Variants in TLK1 observed in about 807,000 individuals in gnomAD.
TLK1 encodes the protein serine/threonine-protein kinase tousled-like 1.
Under a neutral mutation model 105.3 loss-of-function variants are expected in TLK1, and 24 were observed. The observed-to-expected ratio is 0.23, with a 90% CI of 0.17 to 0.32. The LOEUF is 0.32. Ranked by LOEUF, TLK1 falls within the 10% of genes least tolerant of loss-of-function variation. The pLI is 1.00. For missense variants in TLK1, 558 were observed against 910.5 expected, an observed-to-expected ratio of 0.61 and a Z score of 4.98; for synonymous variants, 321 against 310.4, an observed-to-expected ratio of 1.03 and a Z score of -0.36.
At chr2:171,093,172 T>C (rs1558937871) in intron 2 of TLK1, among the ~76,000 whole-genome samples, 3 of 152,196 alleles carry the variant, frequency 2.0e-5, no homozygotes, top group African/African-American at 7.2e-5. Flanking sequence ...AGGACATAAC[T>C]AAAGAGTAGA....
At position 171,160,840 on chromosome 2, in the gene TLK1, G is replaced by T; in HGVS notation, c.-412C>A. The T allele has an allele frequency of 3.0e-6, 1 of 329,622 alleles. No individual in the cohort carries two copies. The highest frequency in any genetic ancestry group is 5.4e-6 in the Non-Finnish European group (1 of 184,642). 20.4% of individuals were successfully genotyped at this position (329,622 alleles called of 1,614,324 possible). ...TGCGTCGGCCCCCGGCGTCGCCCGG[G>T]AGGCGGCGGCGGCGGGCTGTGGGTG... On this transcript the variant is annotated 5_prime_UTR_variant, in exon 1 of 21. Coordinates refer to ENST00000431350, the MANE Select transcript of TLK1 (RefSeq NM_012290.5). This position sits in a 1 kb window ranked among gnomAD's most constrained non-coding sequence, Gnocchi z 4.4.
chr2:171,184,078 G>A (rs894994247), intron 1 of TLK1, among the ~76,000 whole-genome samples: 1 of 152,136 alleles, frequency 6.6e-6, no homozygotes, highest in Non-Finnish European at 1.5e-5. Context: ...GTGGTCAGAG[G>A]GCGATGTGAC....
At chr2:171,066,904 T>C (rs1381648531) in intron 3 of TLK1, 2 of 1,550,968 alleles carry the variant, frequency 1.3e-6, no homozygotes, top group Non-Finnish European at 1.7e-6. Context: ...TGCTGAAGGG[T>C]GGGGGTTGGG....
chr2:171,170,769 C>T (rs567175195), intron 1 of TLK1, among the ~76,000 whole-genome samples: 1 of 152,338 alleles, frequency 6.6e-6, no homozygotes, highest in African/African-American at 2.4e-5. Context: ...ACAGCATAGC[C>T]TATCCTGTCT....
intron 4 of TLK1, among the ~76,000 whole-genome samples, chr2:171,058,682 G>A (rs1438508211): frequency 1.3e-5 from 2 of 152,086 alleles, no homozygotes; most frequent in South Asian, 2.1e-4. Flanking sequence ...TGACCACGCT[G>A]ACAAAGTGAA....
upstream of TLK1, among the ~76,000 whole-genome samples, chr2:171,164,346 T>G (rs1435723510): frequency 3.3e-5 from 5 of 152,174 alleles, no homozygotes; most frequent in African/African-American, 1.2e-4. Flanking sequence ...CACACTATAG[T>G]AAGTGAAAAA....
At chr2:171,223,584 A>T (rs1418066093) in intron 1 of TLK1, among the ~76,000 whole-genome samples, 1 of 149,638 alleles carries the variant, frequency 6.7e-6, no homozygotes, top group African/African-American at 2.5e-5. Flanking sequence ...AGTTCAAGCG[A>T]TTCTCCTGCC....
intron 2 of TLK1, among the ~76,000 whole-genome samples, chr2:171,089,404 T>C (rs1689125033): frequency 1.3e-5 from 2 of 152,222 alleles, no homozygotes; most frequent in Admixed American, 1.3e-4. Context: ...TTGCTTTACC[T>C]TTCCCATTTA....
intron 18 of TLK1, among the ~76,000 whole-genome samples, chr2:171,001,085 T>G (rs1480459819): frequency 1.3e-5 from 2 of 152,234 alleles, no homozygotes; most frequent in African/African-American, 4.8e-5. Flanking sequence ...TGCAAAGTCA[T>G]ATGCAACAAC....
At position 171,006,298 on chromosome 2, in the gene TLK1, A is replaced by G. The variant is rs748251074; in HGVS notation, c.1769-16T>C. 1.9e-6 allele frequency: 3 copies of G among 1,570,406 alleles called. No homozygotes were observed. Among genetic ancestry groups the G allele is most frequent in the Non-Finnish European group, 2.6e-6 (3 of 1,164,048 alleles). ...AGGATGTTTCCTAAGAATAAAATAT[A>G]AGATTCTTTTAATGATACATACATG... is the stretch of plus-strand genomic sequence containing the variant. On this transcript the variant is annotated splice_polypyrimidine_tract_variant and intron_variant, in intron 17 of 20. Coordinates refer to ENST00000431350, the MANE Select transcript of TLK1 (RefSeq NM_012290.5).
chr2:171,024,076 T>C (rs187307384), intron 12 of TLK1, among the ~76,000 whole-genome samples: 1 of 152,262 alleles, frequency 6.6e-6, no homozygotes, highest in African/African-American at 2.4e-5. Flanking sequence ...ATTAATCTCT[T>C]TACAACTACA....
At chr2:171,130,490 A>G (rs1217088541) in intron 1 of TLK1, among the ~76,000 whole-genome samples, 1 of 151,770 alleles carries the variant, frequency 6.6e-6, no homozygotes, top group Non-Finnish European at 1.5e-5. Context: ...GAGTTAAATG[A>G]GATAATACAT....
At chr2:171,203,065 T>C (rs963968955) in intron 1 of TLK1, among the ~76,000 whole-genome samples, 4 of 152,192 alleles carry the variant, frequency 2.6e-5, no homozygotes, top group African/African-American at 9.6e-5. Flanking sequence ...CCAATTAATT[T>C]CTTTAAAATT....
chr2:171,064,317 C>A (rs940090370), intron 3 of TLK1, among the ~76,000 whole-genome samples: 1 of 152,150 alleles, frequency 6.6e-6, no homozygotes, highest in Non-Finnish European at 1.5e-5. Flanking sequence ...TACCCTGAAT[C>A]TGCAAACACA....
intron 1 of TLK1, among the ~76,000 whole-genome samples, chr2:171,135,886 C>T (rs989337386): frequency 6.6e-6 from 1 of 152,096 alleles, no homozygotes. Flanking sequence ...TGGCTACCAT[C>T]AAAAACACTG....
At chr2:171,067,663 A>C (rs1207827261) in intron 3 of TLK1, among the ~76,000 whole-genome samples, 1 of 152,040 alleles carries the variant, frequency 6.6e-6, no homozygotes, top group Non-Finnish European at 1.5e-5. Flanking sequence ...TGCAGAACGT[A>C]CAAGTTTGTT....
intron 1 of TLK1, among the ~76,000 whole-genome samples, chr2:171,201,474 T>C (rs1238472942): frequency 6.6e-6 from 1 of 152,198 alleles, no homozygotes; most frequent in East Asian, 1.9e-4. Context: ...CTGTGTCATG[T>C]ATCCAGCCAC....
chr2:171,022,086 A>ACACACACACACACAC (rs1553605633), intron 12 of TLK1, among the ~76,000 whole-genome samples: 2 of 103,010 alleles, frequency 1.9e-5, no homozygotes, highest in Non-Finnish European at 4.3e-5. Context: ...CTGGGCGAAA[A>ACACACACACACACAC]ACACACACAC....
chr2:171,000,088 A>T (rs952931821), intron 18 of TLK1, among the ~76,000 whole-genome samples: 30 of 152,250 alleles, frequency 2.0e-4, no homozygotes, highest in African/African-American at 6.7e-4. Flanking sequence ...TTAAAAAGTT[A>T]ATTACTAGGC....
Sources: allele counts gnomAD v4.1 joint callset (sites outside exome capture counted in the v4.1 genomes callset), GRCh38; gene constraint gnomAD v4.1.1; non-coding constraint Gnocchi (gnomAD v3.1); transcripts MANE v1.5; gene names NCBI Gene and HGNC (gene_info 2026-07-23, HGNC 2026-07-21).